GRAP2: variants seen among roughly 807,000 people sequenced by gnomAD.
The protein encoded by GRAP2 is GRB2-related adapter protein 2.
Under a neutral mutation model 43.5 loss-of-function variants are expected in GRAP2, and 31 were observed. The observed-to-expected ratio is 0.71, with a 90% CI of 0.54 to 0.96. The LOEUF (loss-of-function observed/expected upper bound fraction) is 0.96. Ranked by LOEUF, GRAP2 falls within the 40% of genes least tolerant of loss-of-function variation. The probability of loss-of-function intolerance (pLI) is 0.00; values close to 1 mark genes in which losing one functional copy is unlikely to be tolerated. For synonymous variants in GRAP2, 156 were observed against 164.8 expected (o/e 0.95, Z 0.41); for missense variants, 371 against 424.4 (o/e 0.87, Z 1.11).
At chr22:39,918,573 C>G (rs959607052) in intron 1 of GRAP2, among the ~76,000 whole-genome samples, 1 of 152,144 alleles carries the variant, frequency 6.6e-6, no homozygotes, top group African/African-American at 2.4e-5. Context: ...ATTGTCATAG[C>G]TGTGTGAGCA....
chr22:39,958,141 C>T (rs1337936213), intron 3 of GRAP2, among the ~76,000 whole-genome samples: 1 of 152,112 alleles, frequency 6.6e-6, no homozygotes, highest in Non-Finnish European at 1.5e-5. Flanking sequence ...GATCCCCCCT[C>T]CCACTGGAAC....
intron 1 of GRAP2, among the ~76,000 whole-genome samples, chr22:39,926,088 G>A (rs553743118): frequency 2.6e-5 from 4 of 152,342 alleles, no homozygotes; most frequent in Admixed American, 2.6e-4. Flanking sequence ...GCTCCCTGAG[G>A]AAAGGAACTG....
intron 3 of GRAP2, 87 bp downstream of exon 3, chr22:39,955,997 C>A: frequency 2.7e-6 from 2 of 744,812 alleles, no homozygotes; most frequent in Non-Finnish European, 4.9e-6. Context: ...CCATGGGAAC[C>A]CAAGACATTG....
chr22:39,960,321 T>C, intron 4 of GRAP2, 147 bp downstream of exon 4: 1 of 705,558 alleles, frequency 1.4e-6, no homozygotes, highest in Admixed American at 2.3e-5. Flanking sequence ...CTTCACAACC[T>C]GCTGCTCCCA....
intron 4 of GRAP2, among the ~76,000 whole-genome samples, chr22:39,965,297 T>C (rs551911167): frequency 1.3e-5 from 2 of 152,168 alleles, no homozygotes; most frequent in South Asian, 4.2e-4. Context: ...CGCTTGAACC[T>C]GGGAGGCGGA....
At chr22:39,966,547 A>G (rs1244575885) in intron 5 of GRAP2, among the ~76,000 whole-genome samples, 2 of 152,174 alleles carry the variant, frequency 1.3e-5, no homozygotes, top group Non-Finnish European at 2.9e-5. Flanking sequence ...ACCTAGCTCA[A>G]GAGTTGCCCA....
chr22:39,915,321 C>A (rs528719792), intron 1 of GRAP2, among the ~76,000 whole-genome samples: 1 of 152,162 alleles, frequency 6.6e-6, no homozygotes, highest in South Asian at 2.1e-4. Flanking sequence ...AAGGTAAACA[C>A]CCAGCCCCAC....
intron 1 of GRAP2, among the ~76,000 whole-genome samples, chr22:39,905,354 T>G (rs1269544160): frequency 6.6e-6 from 1 of 152,172 alleles, no homozygotes; most frequent in African/African-American, 2.4e-5. Flanking sequence ...AAATATTTAT[T>G]GAGTGCATAA....
chr22:39,963,734 A>G (rs1569215646), intron 4 of GRAP2, among the ~76,000 whole-genome samples: 2 of 152,134 alleles, frequency 1.3e-5, no homozygotes. Context: ...AGAAACCTCC[A>G]TGGTCAGGCG....
upstream of GRAP2, among the ~76,000 whole-genome samples, chr22:39,898,247 C>T (rs1227753779): frequency 6.6e-6 from 1 of 152,194 alleles, no homozygotes; most frequent in Non-Finnish European, 1.5e-5. Context: ...GCCACACTCC[C>T]TGTGGCTCTT....
chr22:39,921,097 G>A (rs986995737), intron 1 of GRAP2, among the ~76,000 whole-genome samples: 5 of 152,038 alleles, frequency 3.3e-5, no homozygotes, highest in Admixed American at 3.3e-4. Context: ...TGAACTTCTC[G>A]AGCTTTCTTG....
At chr22:39,911,199 C>T (rs757897071) in intron 1 of GRAP2, among the ~76,000 whole-genome samples, 5 of 152,160 alleles carry the variant, frequency 3.3e-5, no homozygotes, top group Non-Finnish European at 5.9e-5. Context: ...ATCCTGATCA[C>T]TACGTGTGAA....
chr22:39,900,707 A>G (rs992292956), upstream of GRAP2, among the ~76,000 whole-genome samples: 2 of 152,216 alleles, frequency 1.3e-5, no homozygotes, highest in African/African-American at 4.8e-5. Flanking sequence ...GAGTAATATT[A>G]GAGGCTGAGT....
At position 39,939,551 on chromosome 22, in the gene GRAP2, G is replaced by A. The variant is rs557504041; in HGVS notation, c.-14-7542G>A. Among the ~76,000 whole-genome samples, 18 of 102,854 alleles carry A rather than the reference G, an allele frequency of 1.8e-4. No individual in the cohort carries two copies. In the East Asian group the frequency reaches 5.8e-3, roughly 33 times the overall value. 67.5% of individuals were successfully genotyped at this position (102,854 alleles called of 152,430 possible). Reference sequence around the variant, plus strand: ...CACTCCAGCCTGGGGGACAGAGTGAGACTCCGTCTCAAAAAAAAAAAAAAA... The same window carrying A: ...CACTCCAGCCTGGGGGACAGAGTGAAACTCCGTCTCAAAAAAAAAAAAAAA... On this transcript the variant is annotated intron_variant, in intron 1 of 7. Coordinates refer to ENST00000344138, the MANE Select transcript of GRAP2 (RefSeq NM_004810.4).
At chr22:39,906,704 C>G (rs2066526024) in intron 1 of GRAP2, among the ~76,000 whole-genome samples, 1 of 152,148 alleles carries the variant, frequency 6.6e-6, no homozygotes, top group Admixed American at 6.5e-5. Context: ...CTCCACACCC[C>G]CCAGCCTTCT....
chr22:39,902,831 A>T (rs1037092769), intron 1 of GRAP2, among the ~76,000 whole-genome samples: 3 of 152,224 alleles, frequency 2.0e-5, no homozygotes, highest in South Asian at 4.1e-4. Context: ...GTTAACATAG[A>T]TATGAAGTGC....
chr22:39,943,849 A>G (rs2075615593), intron 1 of GRAP2, among the ~76,000 whole-genome samples: 1 of 151,138 alleles, frequency 6.6e-6, no homozygotes, highest in South Asian at 2.1e-4. Context: ...CCTCCCAAGT[A>G]GCTGGGACTA....
At chr22:39,928,649 C>G (rs1028192253) in intron 1 of GRAP2, among the ~76,000 whole-genome samples, 1 of 152,166 alleles carries the variant, frequency 6.6e-6, no homozygotes, top group African/African-American at 2.4e-5. Flanking sequence ...ATTGGTTTTC[C>G]TGCTGTGTAG....
At chr22:39,934,163 A>G (rs2145611603) in intron 1 of GRAP2, among the ~76,000 whole-genome samples, 1 of 152,324 alleles carries the variant, frequency 6.6e-6, no homozygotes, top group East Asian at 1.9e-4. Context: ...CATATAAGAA[A>G]AGGGCCACAG....
Sources: gnomAD v4.1 joint callset for allele counts (sites outside exome capture counted in the v4.1 genomes callset) on GRCh38, gnomAD v4.1.1 for gene constraint, MANE v1.5 for transcripts, NCBI Gene and HGNC (gene_info 2026-07-23, HGNC 2026-07-21) for gene names.